The following AKAP6 variants were observed in gnomAD, a reference collection of about 807,000 sequenced individuals.
AKAP6 encodes A-kinase anchoring protein 6.
A neutral mutation model predicts 188.5 loss-of-function variants in AKAP6; 58 were observed. That is an observed-to-expected ratio of 0.31 (90% CI 0.25 to 0.38). The LOEUF (loss-of-function observed/expected upper bound fraction) is 0.38, where lower values mean the gene tolerates loss of function less well. AKAP6 is among the 10% of genes least tolerant of loss of function. The pLI, the probability that AKAP6 is intolerant of heterozygous loss-of-function variation, is 1.00. For synonymous variants in AKAP6, 989 were observed against 998.6 expected (o/e 0.99, Z 0.18); for missense variants, 2,710 against 2,740.0 (o/e 0.99, Z 0.24).
At chr14:32,620,021 G>T (rs1162930908) in intron 7 of AKAP6, among the ~76,000 whole-genome samples, 1 of 152,070 alleles carries the variant, frequency 6.6e-6, no homozygotes, top group African/African-American at 2.4e-5. Context: ...TCATTTGGAT[G>T]CATTGATTTT....
At chr14:32,722,704 G>A (rs1383587936) in intron 9 of AKAP6, among the ~76,000 whole-genome samples, 3 of 152,158 alleles carry the variant, frequency 2.0e-5, no homozygotes, top group African/African-American at 4.8e-5. Flanking sequence ...TCTAGGGAAA[G>A]ATTATCTTCT....
At chr14:32,578,689 C>T (rs1230997859) in intron 5 of AKAP6, among the ~76,000 whole-genome samples, 1 of 152,138 alleles carries the variant, frequency 6.6e-6, no homozygotes, top group Non-Finnish European at 1.5e-5. Flanking sequence ...GTCTTACTTT[C>T]TCTTGACTTA....
At chr14:32,619,025 GA>G (rs1440182616) in intron 7 of AKAP6, among the ~76,000 whole-genome samples, 2 of 151,670 alleles carry the variant, frequency 1.3e-5, no homozygotes, top group African/African-American at 4.8e-5. Context: ...TTTTTAATGG[GA>G]TTATTTGTTT....
intron 12 of AKAP6, among the ~76,000 whole-genome samples, chr14:32,804,063 C>A (rs1473522572): frequency 2.0e-5 from 3 of 152,224 alleles, no homozygotes; most frequent in Non-Finnish European, 2.9e-5. Context: ...CTACCAGAAT[C>A]TCTCATAAAT....
Position 32,342,840 on chromosome 14 carries a change from A to G in AKAP6, c.-35+13432A>G, listed in dbSNP as rs976747570. ...CTCCAAATTGATATGTAAAGTTACT[A>G]CATCCTAATTCAAGGGGATTACATA... On this transcript the variant is annotated intron_variant, in intron 1 of 13. Coordinates refer to ENST00000280979, the MANE Select transcript of AKAP6 (RefSeq NM_004274.5). 3.9e-5 allele frequency among the ~76,000 whole-genome samples: 6 copies of G among 152,314 alleles called. No individual in the cohort carries two copies. In the East Asian group the frequency reaches 1.2e-3, roughly 29 times the overall value.
intron 12 of AKAP6, among the ~76,000 whole-genome samples, chr14:32,791,533 T>G (rs552867963): frequency 6.3e-4 from 96 of 151,962 alleles, no homozygotes; most frequent in Non-Finnish European, 1.2e-3. Flanking sequence ...ATTAGTCAGA[T>G]GGATAGATTG....
chr14:32,788,040 CAAAAAAAA>C (rs10606532), intron 12 of AKAP6, among the ~76,000 whole-genome samples: 1 of 96,344 alleles, frequency 1.0e-5, no homozygotes, highest in Admixed American at 1.2e-4. Context: ...GACCCCATCT[CAAAAAAAA>C]AAAAAAAAAA....
intron 12 of AKAP6, among the ~76,000 whole-genome samples, chr14:32,791,117 C>T (rs1594949089): frequency 6.6e-6 from 1 of 152,088 alleles, no homozygotes; most frequent in East Asian, 1.9e-4. Context: ...GATTTATAAT[C>T]CTTTGGGTAT....
intron 11 of AKAP6, among the ~76,000 whole-genome samples, chr14:32,738,483 T>C (rs2031535069): frequency 6.6e-6 from 1 of 152,156 alleles, no homozygotes; most frequent in South Asian, 2.1e-4. Flanking sequence ...ATAACCGAAA[T>C]CTGCTTTAAT....
chr14:32,381,186 A>C (rs1888345354), intron 1 of AKAP6, among the ~76,000 whole-genome samples: 1 of 152,084 alleles, frequency 6.6e-6, no homozygotes, highest in Non-Finnish European at 1.5e-5. Flanking sequence ...AAAGTACAAA[A>C]AAATTTAGCT....
intron 12 of AKAP6, among the ~76,000 whole-genome samples, chr14:32,796,391 C>T (rs1443351322): frequency 6.6e-6 from 1 of 152,186 alleles, no homozygotes; most frequent in African/African-American, 2.4e-5. Context: ...TGCAAGGCTA[C>T]AGTAACTAAA....
At position 32,586,581 on chromosome 14, in the gene AKAP6, A is replaced by G. The variant is rs185234515; in HGVS notation, c.2469+9339A>G. Among the ~76,000 whole-genome samples, 160 of 152,296 alleles carry G rather than the reference A, an allele frequency of 1.1e-3. 1 individual carries two copies. Among genetic ancestry groups the G allele is most frequent in the African/African-American group, 3.7e-3 (154 of 41,552 alleles). On this transcript the variant is annotated intron_variant, in intron 5 of 13. Coordinates refer to ENST00000280979, the MANE Select transcript of AKAP6 (RefSeq NM_004274.5). ...GGCAGAGGTTGCAGAGGTTGAGCTG[A>G]GATTGCGTCACTGCACTCCAGCCTG...
At chr14:32,515,229 T>A (rs1471608041) in intron 2 of AKAP6, among the ~76,000 whole-genome samples, 1 of 152,122 alleles carries the variant, frequency 6.6e-6, no homozygotes, top group African/African-American at 2.4e-5. Context: ...TCAGATCTCA[T>A]AAGACTTATT....
intron 1 of AKAP6, among the ~76,000 whole-genome samples, chr14:32,424,391 G>A (rs941805178): frequency 1.3e-5 from 2 of 151,208 alleles, no homozygotes; most frequent in African/African-American, 2.4e-5. Flanking sequence ...TGGTGTTGAC[G>A]TATCTTTATC....
intron 8 of AKAP6, among the ~76,000 whole-genome samples, chr14:32,680,138 T>C (rs936005847): frequency 3.3e-5 from 5 of 152,196 alleles, no homozygotes; most frequent in Admixed American, 6.5e-5. Flanking sequence ...CAACAAGCAT[T>C]GTTCTGTGAA....
intron 2 of AKAP6, among the ~76,000 whole-genome samples, chr14:32,521,501 A>T (rs1227988843): frequency 6.6e-6 from 1 of 152,240 alleles, no homozygotes; most frequent in East Asian, 1.9e-4. Flanking sequence ...TCAGGATACA[A>T]AATCAATGTG....
chr14:32,799,213 C>T (rs1452666143), intron 12 of AKAP6, among the ~76,000 whole-genome samples: 1 of 152,118 alleles, frequency 6.6e-6, no homozygotes, highest in Non-Finnish European at 1.5e-5. Context: ...AAGAGTGGGC[C>T]AAAGCTAAAC....
chr14:32,385,460 A>G (rs1183999132), intron 1 of AKAP6, among the ~76,000 whole-genome samples: 1 of 148,494 alleles, frequency 6.7e-6, no homozygotes, highest in East Asian at 2.0e-4. Context: ...GTTTGGATAC[A>G]TGAGTAAGTT....
At chr14:32,378,044 G>C (rs1028343231) in intron 1 of AKAP6, among the ~76,000 whole-genome samples, 1 of 152,088 alleles carries the variant, frequency 6.6e-6, no homozygotes, top group East Asian at 1.9e-4. Context: ...AGAGTCTTGA[G>C]AATCAGATCT....
Sources: allele counts gnomAD v4.1 joint callset (sites outside exome capture counted in the v4.1 genomes callset), GRCh38; gene constraint gnomAD v4.1.1; transcripts MANE v1.5; gene names NCBI Gene and HGNC (gene_info 2026-07-23, HGNC 2026-07-21).